The following BTBD9 variants were observed in gnomAD, a reference collection of about 807,000 sequenced individuals.
BTBD9 encodes BTB domain containing 9, also known as BTB/POZ domain-containing protein 9.
BTBD9 carries 49 observed loss-of-function variants against 64.3 expected under a neutral mutation model. The ratio of observed to expected loss-of-function variants is 0.76; its 90% confidence interval spans 0.61 to 0.97. The LOEUF (loss-of-function observed/expected upper bound fraction) is 0.97. Among genes scored for constraint, BTBD9 ranks in the 50% least tolerant of loss-of-function variants. The probability of loss-of-function intolerance (pLI) is 0.00; values close to 1 mark genes in which losing one functional copy is unlikely to be tolerated. For missense variants in BTBD9, 598 were observed against 762.1 expected (o/e 0.78, Z 2.53); for synonymous variants, 260 against 274.7 (o/e 0.95, Z 0.53).
intron 8 of BTBD9, among the ~76,000 whole-genome samples, chr6:38,271,858 T>C (rs1170699997): frequency 1.3e-5 from 2 of 152,134 alleles, no homozygotes; most frequent in African/African-American, 4.8e-5. Context: ...AGCTTTTAGA[T>C]TGTGCTGTAG....
chr6:38,414,973 C>A (rs987195490), intron 6 of BTBD9, among the ~76,000 whole-genome samples: 2 of 152,202 alleles, frequency 1.3e-5, no homozygotes, highest in African/African-American at 4.8e-5. Context: ...CTACTAGACA[C>A]TTCCCCTAAA....
rs572741568 is a variant in BTBD9 at position 38,618,777 on chromosome 6, C to T, written c.-27-20656G>A. On this transcript the variant is annotated intron_variant, in intron 1 of 10. Transcript: ENST00000481247. Reference sequence around the variant, plus strand: ...CCTTCAGCCTCACTTAGGGAGATGTCATGCTACTGTTAGATCAAACCTTGG... The same window carrying T: ...CCTTCAGCCTCACTTAGGGAGATGTTATGCTACTGTTAGATCAAACCTTGG... Among the ~76,000 whole-genome samples the T allele has an allele frequency of 2.0e-5, 3 of 152,326 alleles. No individual in the cohort carries two copies. In the South Asian group the frequency reaches 6.2e-4, roughly 32 times the overall value.
intron 1 of BTBD9, among the ~76,000 whole-genome samples, chr6:38,623,784 T>G (rs2127525840): frequency 6.6e-6 from 1 of 152,338 alleles, no homozygotes; most frequent in Non-Finnish European, 1.5e-5. Flanking sequence ...CTTGTCAAAT[T>G]TGTTTCCTCC....
At chr6:38,419,896 G>T (rs930699990) in intron 6 of BTBD9, among the ~76,000 whole-genome samples, 2 of 151,876 alleles carry the variant, frequency 1.3e-5, no homozygotes, top group African/African-American at 4.8e-5. Flanking sequence ...AATACTAAGG[G>T]AAACTATTTT....
chr6:38,456,045 G>A (rs560337203), intron 6 of BTBD9, among the ~76,000 whole-genome samples: 10 of 151,910 alleles, frequency 6.6e-5, no homozygotes, highest in East Asian at 3.9e-4. Context: ...GTGCAGTGGC[G>A]CCATCTTGAC....
rs1283102729 is a variant in BTBD9 at position 38,230,994 on chromosome 6, T to C, written c.1562+25415A>G. On this transcript the variant is annotated intron_variant, in intron 9 of 10. Coordinates refer to ENST00000481247, the MANE Select transcript of BTBD9 (RefSeq NM_001099272.2). ...CTACTAGGATGTAAACTGATGAAAG[T>C]AGGGATCCTGTCTGCCTTGTTCAAT... 2.0e-5 allele frequency among the ~76,000 whole-genome samples: 3 copies of C among 152,234 alleles called. No homozygotes were observed. In the South Asian group the frequency reaches 6.2e-4, roughly 32 times the overall value.
chr6:38,348,104 C>T (rs1035519162), intron 6 of BTBD9, among the ~76,000 whole-genome samples: 1 of 152,096 alleles, frequency 6.6e-6, no homozygotes, highest in African/African-American at 2.4e-5. Flanking sequence ...CCATCCTTGA[C>T]AACGAGCATA....
At chr6:38,311,762 A>G (rs981760018) in intron 7 of BTBD9, among the ~76,000 whole-genome samples, 1 of 152,182 alleles carries the variant, frequency 6.6e-6, no homozygotes, top group African/African-American at 2.4e-5. Flanking sequence ...TGTCTTTTGG[A>G]TAAAAGCTAT....
At chr6:38,487,588 T>A (rs539712844) in intron 6 of BTBD9, among the ~76,000 whole-genome samples, 29 of 47,294 alleles carry the variant, frequency 6.1e-4, no homozygotes, top group Admixed American at 9.0e-4. Context: ...AGAGAGAGAG[T>A]CAGCGAGAGA....
At chr6:38,438,661 T>C (rs1768868627) in intron 6 of BTBD9, among the ~76,000 whole-genome samples, 1 of 152,224 alleles carries the variant, frequency 6.6e-6, no homozygotes, top group African/African-American at 2.4e-5. Context: ...CTTTCAATCT[T>C]ACAAGTATAT....
intron 6 of BTBD9, among the ~76,000 whole-genome samples, chr6:38,487,426 C>A (rs1394764312): frequency 6.6e-6 from 1 of 151,802 alleles, no homozygotes; most frequent in Non-Finnish European, 1.5e-5. Flanking sequence ...ACAAAAAATA[C>A]AAAAATTAGC....
At chr6:38,240,380 C>A (rs2127524074) in intron 9 of BTBD9, among the ~76,000 whole-genome samples, 1 of 152,272 alleles carries the variant, frequency 6.6e-6, no homozygotes, top group East Asian at 1.9e-4. Flanking sequence ...AGGGAAGTGC[C>A]CAGCACAGAG....
chr6:38,187,900 G>C (rs955347121), intron 10 of BTBD9, among the ~76,000 whole-genome samples: 30 of 151,850 alleles, frequency 2.0e-4, no homozygotes, highest in African/African-American at 7.0e-4. Flanking sequence ...AATCAGAAGC[G>C]TGCCAGAGCA....
At chr6:38,592,515 T>G (rs1776844440) in intron 4 of BTBD9, 61 bp downstream of exon 4, 5 of 1,584,086 alleles carry the variant, frequency 3.2e-6, no homozygotes, top group Non-Finnish European at 3.4e-6. Flanking sequence ...GCTTTGCGGT[T>G]TTAATGGCAT....
At chr6:38,243,542 T>C (rs1764081135) in intron 9 of BTBD9, among the ~76,000 whole-genome samples, 1 of 151,954 alleles carries the variant, frequency 6.6e-6, no homozygotes, top group African/African-American at 2.4e-5. Flanking sequence ...TGAATACGAA[T>C]GGAGGCAATG....
intron 10 of BTBD9, among the ~76,000 whole-genome samples, chr6:38,182,297 C>T (rs1186206670): frequency 6.6e-6 from 1 of 152,172 alleles, no homozygotes; most frequent in Non-Finnish European, 1.5e-5. Context: ...CCCAGGCAGC[C>T]CTGGAATTCC....
intron 10 of BTBD9, among the ~76,000 whole-genome samples, chr6:38,177,349 C>T (rs966517653): frequency 1.3e-5 from 2 of 152,200 alleles, no homozygotes; most frequent in Admixed American, 6.5e-5. Flanking sequence ...CTTCCCCCAC[C>T]GGCCCCGCAA....
At chr6:38,619,389 C>T (rs1777909526) in intron 1 of BTBD9, among the ~76,000 whole-genome samples, 1 of 152,152 alleles carries the variant, frequency 6.6e-6, no homozygotes, top group South Asian at 2.1e-4. Flanking sequence ...CTTGGTGGTT[C>T]AGAGAAAACA....
intron 9 of BTBD9, among the ~76,000 whole-genome samples, chr6:38,229,947 G>C (rs1039642004): frequency 1.3e-5 from 2 of 152,084 alleles, no homozygotes; most frequent in African/African-American, 4.8e-5. Flanking sequence ...AAATGTTCAG[G>C]ACCAAGGACA....
Sources: allele counts gnomAD v4.1 joint callset (sites outside exome capture counted in the v4.1 genomes callset), GRCh38; gene constraint gnomAD v4.1.1; transcripts MANE v1.5; gene names NCBI Gene and HGNC (gene_info 2026-07-23, HGNC 2026-07-21).